Variants in NRG1 observed in about 807,000 individuals in gnomAD.
NRG1 encodes neuregulin 1, also known as pro-neuregulin-1, membrane-bound isoform.
Under a neutral mutation model 63.8 loss-of-function variants are expected in NRG1, and 18 were observed. The observed-to-expected ratio is 0.28, with a 90% confidence interval of 0.19 to 0.42. NRG1 has a LOEUF of 0.42. Ranked by LOEUF, NRG1 falls within the 10% of genes least tolerant of loss-of-function variation. NRG1 has a pLI of 1.00. For synonymous variants in NRG1, 302 were observed against 301.3 expected, an observed-to-expected ratio of 1.00 and a Z score of -0.02; for missense variants, 762 against 814.7, an observed-to-expected ratio of 0.94 and a Z score of 0.79.
At chr8:32,105,397 CAAGAG>C (rs1831134501) in intron 1 of NRG1, among the ~76,000 whole-genome samples, 1 of 152,242 alleles carries the variant, frequency 6.6e-6, no homozygotes, top group East Asian at 1.9e-4. Context: ...TGGCAGCAGA[CAAGAG>C]AAGAGAACTT....
At chr8:32,649,296 T>G (rs1279214435) in intron 5 of NRG1, among the ~76,000 whole-genome samples, 1 of 151,888 alleles carries the variant, frequency 6.6e-6, no homozygotes, top group Non-Finnish European at 1.5e-5. Context: ...GTAATTGCAA[T>G]AGCTTTAGAG....
chr8:32,530,198 C>T (rs1455789223), intron 1 of NRG1, among the ~76,000 whole-genome samples: 4 of 151,988 alleles, frequency 2.6e-5, no homozygotes, highest in African/African-American at 9.7e-5. Flanking sequence ...AGGTCCGCCT[C>T]CCGGGTTCAT....
Position 32,223,790 on chromosome 8 carries a change from G to A in NRG1, c.38-372038G>A, listed in dbSNP as rs1456493219. Reference sequence around the variant, plus strand: ...AGCTTAATGAAGTTAGAGAAGGGAAGGGAGGCCCGTAGCGGAAAATTATGG... The same window carrying A: ...AGCTTAATGAAGTTAGAGAAGGGAAAGGAGGCCCGTAGCGGAAAATTATGG... On this transcript the variant is annotated intron_variant, in intron 1 of 10. Coordinates refer to the NRG1 transcript ENST00000519301. Among the ~76,000 whole-genome samples, 4 of 152,256 alleles carry A rather than the reference G, an allele frequency of 2.6e-5. No homozygotes were observed. The East Asian group carries it at 7.8e-4, about 30-fold the overall frequency.
chr8:32,185,020 G>A (rs1841829889), intron 1 of NRG1, among the ~76,000 whole-genome samples: 1 of 152,166 alleles, frequency 6.6e-6, no homozygotes, highest in African/African-American at 2.4e-5. Context: ...ACTTTTGTGT[G>A]TAAATGAATG....
At chr8:32,732,789 T>C (rs918207852) in intron 6 of NRG1, among the ~76,000 whole-genome samples, 3 of 150,318 alleles carry the variant, frequency 2.0e-5, no homozygotes, top group East Asian at 4.0e-4. Flanking sequence ...TGTGTTATCA[T>C]GTTTAATTTC....
At chr8:31,687,690 T>C (rs926708392) in intron 1 of NRG1, among the ~76,000 whole-genome samples, 4 of 152,172 alleles carry the variant, frequency 2.6e-5, no homozygotes, top group Admixed American at 1.3e-4. Context: ...AACAACACAA[T>C]GGAAGAGAAA....
chr8:32,065,279 T>C (rs996997337), intron 1 of NRG1, among the ~76,000 whole-genome samples: 11 of 152,312 alleles, frequency 7.2e-5, no homozygotes, highest in Admixed American at 5.9e-4. Context: ...TGTATACATG[T>C]GCCATGTTGG....
chr8:32,351,384 A>G (rs1805582440), intron 1 of NRG1, among the ~76,000 whole-genome samples: 1 of 152,216 alleles, frequency 6.6e-6, no homozygotes. Context: ...TTTTATGGAA[A>G]GAGGATGATA....
intron 1 of NRG1, among the ~76,000 whole-genome samples, chr8:32,593,391 C>T (rs1270422467): frequency 6.6e-6 from 1 of 151,894 alleles, no homozygotes; most frequent in African/African-American, 2.4e-5. Context: ...CATTGGCTCA[C>T]ACCTGTAATC....
chr8:32,563,492 T>G (rs1396174181), intron 1 of NRG1, among the ~76,000 whole-genome samples: 1 of 152,186 alleles, frequency 6.6e-6, no homozygotes, highest in East Asian at 1.9e-4. Flanking sequence ...TGCAGAAGCC[T>G]TTTATTAAAT....
At chr8:31,956,957 A>G (rs1006319091) in intron 1 of NRG1, among the ~76,000 whole-genome samples, 1 of 152,216 alleles carries the variant, frequency 6.6e-6, no homozygotes, top group African/African-American at 2.4e-5. Context: ...TTCATTATTC[A>G]TTCCCTTCTG....
At chr8:32,645,484 A>G (rs1237078679) in intron 5 of NRG1, among the ~76,000 whole-genome samples, 2 of 152,216 alleles carry the variant, frequency 1.3e-5, no homozygotes, top group Non-Finnish European at 2.9e-5. Context: ...CCTTTAAATC[A>G]TGTATAATTA....
At chr8:31,769,197 A>C (rs1347709082) in intron 1 of NRG1, among the ~76,000 whole-genome samples, 1 of 152,210 alleles carries the variant, frequency 6.6e-6, no homozygotes, top group Non-Finnish European at 1.5e-5. Context: ...TAAATACTTC[A>C]ATAATTTACA....
chr8:31,675,455 T>G (rs1188027448), intron 1 of NRG1, among the ~76,000 whole-genome samples: 1 of 152,246 alleles, frequency 6.6e-6, no homozygotes, highest in African/African-American at 2.4e-5. Context: ...TTCTGCCCAG[T>G]CCACTTGAGT....
intron 1 of NRG1, among the ~76,000 whole-genome samples, chr8:31,672,484 A>T (rs931437036): frequency 2.0e-5 from 3 of 152,128 alleles, no homozygotes; most frequent in Non-Finnish European, 4.4e-5. Context: ...AGGTGTTAGG[A>T]TTTCTGAGGT....
Position 32,748,358 on chromosome 8 carries a change from C to CAGAGAGAGAG in NRG1, c.691+5655_691+5664dup, listed in dbSNP as rs34657847. The stretch of plus-strand genomic sequence containing the variant: ...GCGCGCGCACACACACACACACACA[C>CAGAGAGAGAG]AGAGAGAGAGAGAGAGAGAGAGAGA... On this transcript the variant is annotated intron_variant, in intron 7 of 11. Transcript: ENST00000356819. Among the ~76,000 whole-genome samples, 743 of 121,952 alleles carry CAGAGAGAGAG rather than the reference C, an allele frequency of 6.1e-3. 9 individuals carry two copies. Among genetic ancestry groups the CAGAGAGAGAG allele is most frequent in the African/African-American group, 0.019 (654 of 33,676 alleles). The allele number at this position is 121,952 out of a possible 152,430, so 80.0% of individuals were successfully genotyped here.
intron 1 of NRG1, among the ~76,000 whole-genome samples, chr8:32,503,645 C>T (rs148269225): frequency 1.3e-5 from 2 of 152,224 alleles, no homozygotes; most frequent in African/African-American, 2.4e-5. Flanking sequence ...AACTTGAAGA[C>T]GTAACTCTCT....
chr8:32,422,935 A>C (rs1816875658), intron 1 of NRG1, among the ~76,000 whole-genome samples: 1 of 152,222 alleles, frequency 6.6e-6, no homozygotes, highest in Non-Finnish European at 1.5e-5. Flanking sequence ...CCAAACTTTC[A>C]CATGGTTTAA....
chr8:32,084,331 T>C (rs1199763722), intron 1 of NRG1, among the ~76,000 whole-genome samples: 1 of 152,138 alleles, frequency 6.6e-6, no homozygotes, highest in African/African-American at 2.4e-5. Context: ...GAAACATGAT[T>C]AGAACATAGT....
Sources: gnomAD v4.1 joint callset for allele counts (sites outside exome capture counted in the v4.1 genomes callset) on GRCh38, gnomAD v4.1.1 for gene constraint, MANE v1.5 for transcripts, NCBI Gene and HGNC (gene_info 2026-07-23, HGNC 2026-07-21) for gene names.